Variants in RAB38 observed in about 807,000 individuals in gnomAD.
The protein encoded by RAB38 is RAB38, member RAS oncogene family.
A neutral mutation model predicts 18.4 loss-of-function variants in RAB38; 15 were observed. That is an observed-to-expected ratio of 0.82 (90% CI 0.55 to 1.26). The LOEUF (loss-of-function observed/expected upper bound fraction) is 1.26. Ranked by LOEUF, RAB38 falls within the 50% of genes most tolerant of loss-of-function variation. RAB38 has a pLI of 0.00. For missense variants in RAB38, 294 were observed against 267.4 expected, an observed-to-expected ratio of 1.10 and a Z score of -0.69; for synonymous variants, 101 against 104.4, an observed-to-expected ratio of 0.97 and a Z score of 0.20.
At chr11:88,158,761 C>T (rs1455581603) in intron 1 of RAB38, among the ~76,000 whole-genome samples, 1 of 152,020 alleles carries the variant, frequency 6.6e-6, no homozygotes, top group Non-Finnish European at 1.5e-5. Flanking sequence ...ATCAAAGGAA[C>T]ATGCCTCAAC....
At chr11:88,073,953 C>A in the RAB38 span, among the ~76,000 whole-genome samples, 1 of 150,490 alleles carries the variant, frequency 6.6e-6, no homozygotes, top group African/African-American at 2.4e-5. Context: ...AATCAGTGAG[C>A]TTGAATAGAC....
At chr11:88,150,698 T>C (rs1268516214) in intron 1 of RAB38, among the ~76,000 whole-genome samples, 1 of 152,214 alleles carries the variant, frequency 6.6e-6, no homozygotes, top group African/African-American at 2.4e-5. Flanking sequence ...CTAAGTAACA[T>C]TCTCAAATCA....
At chr11:87,937,870 G>GTTTTTTTTTTTTT in the RAB38 span, among the ~76,000 whole-genome samples, 2 of 92,024 alleles carry the variant, frequency 2.2e-5, no homozygotes, top group Non-Finnish European at 4.7e-5. Context: ...TCATTGAAGT[G>GTTTTTTTTTTTTT]TTTTTTTTTT....
the RAB38 span, among the ~76,000 whole-genome samples, chr11:87,914,714 G>T: frequency 6.6e-6 from 1 of 152,132 alleles, no homozygotes; most frequent in African/African-American, 2.4e-5. Flanking sequence ...TTTCCAGGCT[G>T]CCCCTCCCAT....
chr11:87,873,918 G>A, the RAB38 span, among the ~76,000 whole-genome samples: 3 of 41,068 alleles, frequency 7.3e-5, no homozygotes, highest in African/African-American at 1.0e-4. Flanking sequence ...ATGTGTGTGT[G>A]TGTGTATATA....
At chr11:87,856,859 A>T in the RAB38 span, among the ~76,000 whole-genome samples, 1 of 151,988 alleles carries the variant, frequency 6.6e-6, no homozygotes, top group Non-Finnish European at 1.5e-5. Context: ...CTTCTTTAAA[A>T]TTTTCTTTTT....
At chr11:87,837,353 T>A in the RAB38 span, among the ~76,000 whole-genome samples, 1 of 152,216 alleles carries the variant, frequency 6.6e-6, no homozygotes, top group Non-Finnish European at 1.5e-5. Flanking sequence ...GGATACCTAA[T>A]GCATTTTTTT....
chr11:87,909,948 G>A, the RAB38 span, among the ~76,000 whole-genome samples: 89 of 152,026 alleles, frequency 5.9e-4, 1 homozygote, highest in African/African-American at 2.0e-3. Context: ...TAATTTATAC[G>A]GTAGGTACAC....
the RAB38 span, among the ~76,000 whole-genome samples, chr11:87,874,714 G>A: frequency 2.0e-5 from 3 of 150,704 alleles, no homozygotes; most frequent in Non-Finnish European, 3.0e-5. Context: ...ATCCATAATC[G>A]TTAGGGAAAT....
At chr11:88,052,947 T>TCA in the RAB38 span, among the ~76,000 whole-genome samples, 19 of 81,130 alleles carry the variant, frequency 2.3e-4, no homozygotes, top group African/African-American at 4.9e-4. Flanking sequence ...TATATATAAA[T>TCA]TATATATATG....
the RAB38 span, among the ~76,000 whole-genome samples, chr11:88,103,226 G>A: frequency 6.6e-6 from 1 of 151,940 alleles, no homozygotes; most frequent in Non-Finnish European, 1.5e-5. Context: ...GATGAATTAA[G>A]ACTCTGAGAC....
the RAB38 span, among the ~76,000 whole-genome samples, chr11:88,032,923 C>G: frequency 1.3e-3 from 192 of 152,294 alleles, no homozygotes; most frequent in African/African-American, 4.5e-3. Flanking sequence ...AAGACACATG[C>G]ACACATATGT....
the RAB38 span, among the ~76,000 whole-genome samples, chr11:87,828,371 A>T: frequency 2.0e-5 from 3 of 152,222 alleles, no homozygotes; most frequent in East Asian, 5.8e-4. Flanking sequence ...TTCCATCAAG[A>T]TATTTTAAGT....
chr11:87,963,064 G>A, the RAB38 span, among the ~76,000 whole-genome samples: 1 of 152,058 alleles, frequency 6.6e-6, no homozygotes, highest in South Asian at 2.1e-4. Flanking sequence ...GAATCACAGT[G>A]TTTATTATTT....
the RAB38 span, among the ~76,000 whole-genome samples, chr11:88,059,758 A>C: frequency 6.8e-6 from 1 of 148,096 alleles, no homozygotes; most frequent in Non-Finnish European, 1.5e-5. Context: ...ACACCTATGT[A>C]CCAGCACTTC....
intron 2 of RAB38, among the ~76,000 whole-genome samples, chr11:88,118,915 T>C (rs542577052): frequency 5.9e-5 from 9 of 152,282 alleles, no homozygotes; most frequent in Admixed American, 3.3e-4. Context: ...GGAGAGGTAA[T>C]GGTCATATTT....
the RAB38 span, among the ~76,000 whole-genome samples, chr11:88,016,513 C>T: frequency 6.6e-6 from 1 of 152,186 alleles, no homozygotes; most frequent in South Asian, 2.1e-4. Context: ...CAGGCCGGGG[C>T]ACAGATGTTC....
chr11:88,023,626 T>C, the RAB38 span, among the ~76,000 whole-genome samples: 1 of 152,018 alleles, frequency 6.6e-6, no homozygotes. Context: ...ACTGGAGGAA[T>C]TACATTACCT....
At chr11:87,876,072 C>T in the RAB38 span, among the ~76,000 whole-genome samples, 1 of 151,640 alleles carries the variant, frequency 6.6e-6, no homozygotes, top group African/African-American at 2.4e-5. Context: ...AAGTTTGTCT[C>T]CAAACTCTAC....
Sources: allele counts gnomAD v4.1 joint callset (sites outside exome capture counted in the v4.1 genomes callset), GRCh38; gene constraint gnomAD v4.1.1; transcripts MANE v1.5; gene names NCBI Gene and HGNC (gene_info 2026-07-23, HGNC 2026-07-21).